Variants in MYCBP2 observed in about 807,000 individuals in gnomAD.
The protein encoded by MYCBP2 is MYC binding protein 2, also known as E3 ubiquitin-protein ligase MYCBP2.
MYCBP2 carries 120 observed loss-of-function variants against 525.3 expected under a neutral mutation model. That is an observed-to-expected ratio of 0.23 (90% CI 0.20 to 0.27). The LOEUF (loss-of-function observed/expected upper bound fraction) is 0.27, where lower values mean the gene tolerates loss of function less well. Ranked by LOEUF, MYCBP2 falls within the 10% of genes least tolerant of loss-of-function variation. The pLI is 1.00. For missense variants in MYCBP2, 4,149 were observed against 5,657.1 expected (o/e 0.73, Z 8.55); for synonymous variants, 1,894 against 1,955.8 (o/e 0.97, Z 0.83).
intron 2 of MYCBP2, among the ~76,000 whole-genome samples, chr13:77,289,064 G>A (rs903847429): frequency 7.2e-5 from 11 of 151,932 alleles, no homozygotes; most frequent in African/African-American, 2.7e-4. Context: ...ATAAAAAGCT[G>A]TTTTAAAATA....
intron 69 of MYCBP2, among the ~76,000 whole-genome samples, 163 bp from the exon 70 acceptor site, chr13:77,068,994 A>C (rs1014902324): frequency 6.6e-6 from 1 of 152,202 alleles, no homozygotes; most frequent in Non-Finnish European, 1.5e-5. Context: ...CTCTTAACTC[A>C]TCTAAGAAAC....
chr13:77,079,915 G>T (rs951349093), intron 65 of MYCBP2, among the ~76,000 whole-genome samples: 8 of 152,194 alleles, frequency 5.3e-5, no homozygotes, highest in African/African-American at 1.9e-4. Context: ...CAGCTTACAT[G>T]TTGGGAATTT....
In MYCBP2 at chr13:77,083,140, C is replaced by T; in HGVS notation, c.10928G>A (p.Gly3643Glu). The change falls in exon 63 of 83, where the codon GGG becomes GAG. Residue 3643 changes from glycine (G) to glutamate (E), a missense_variant. Transcript: ENST00000544440. The stretch of plus-strand genomic sequence containing the variant: ...GTGTGGTAAAGGATGAGCAGCTTCC[C>T]CGGCAATCACTATGTCTGAGAGTGG... ...EHPLSDIVIA[G>E]EAAHPLPHTF... is the part of the protein sequence containing the mutation. 1 of 1,613,436 alleles carries T rather than the reference C, an allele frequency of 6.2e-7. No homozygotes were observed. The highest frequency in any genetic ancestry group is 8.5e-7 in the Non-Finnish European group (1 of 1,179,630).
At position 77,263,933 on chromosome 13, in the gene MYCBP2, C is replaced by A; in HGVS notation, c.1427G>T (p.Arg476Ile). The change falls in exon 9 of 83, where the codon AGA becomes ATA. Residue 476 changes from arginine (R) to isoleucine (I), a missense_variant. Coordinates refer to ENST00000544440, the MANE Select transcript of MYCBP2 (RefSeq NM_015057.5). ...GEYINQIAAS[R>I]DDGFVVRIFA... ...CTTAAGATTCAGGATACTTACATCT[C>A]TTGAAGCAGCTATCTGATTAATATA... The A allele has an allele frequency of 6.2e-7, 1 of 1,611,888 alleles. No homozygotes were observed. The highest frequency in any genetic ancestry group is 8.5e-7 in the Non-Finnish European group (1 of 1,178,664).
At chr13:77,277,183 G>A (rs1406726926) in intron 4 of MYCBP2, among the ~76,000 whole-genome samples, 1 of 152,082 alleles carries the variant, frequency 6.6e-6, no homozygotes, top group Non-Finnish European at 1.5e-5. Context: ...AAGTCTTCGC[G>A]GGTATTTCAA....
chr13:77,306,649 AAAC>A, intron 1 of MYCBP2, among the ~76,000 whole-genome samples: 1 of 152,226 alleles, frequency 6.6e-6, no homozygotes, highest in South Asian at 2.1e-4. Flanking sequence ...ACTCTTAAGT[AAAC>A]ATAGGCTAGG....
chr13:77,157,778 A>C (rs1460387216), intron 45 of MYCBP2, among the ~76,000 whole-genome samples, 159 bp downstream of exon 45: 1 of 152,162 alleles, frequency 6.6e-6, no homozygotes, highest in East Asian at 1.9e-4. Context: ...ACAACCGCCA[A>C]ACAAAAATAT....
intron 78 of MYCBP2, among the ~76,000 whole-genome samples, chr13:77,057,640 T>C (rs200961214): frequency 6.6e-6 from 1 of 152,260 alleles, no homozygotes; most frequent in East Asian, 1.9e-4. Flanking sequence ...AATCTAATTA[T>C]TTCCCCCTGG....
intron 18 of MYCBP2, among the ~76,000 whole-genome samples, chr13:77,229,600 T>C (rs1702058391): frequency 1.3e-5 from 2 of 152,200 alleles, no homozygotes; most frequent in Non-Finnish European, 2.9e-5. Context: ...AGGATTTATA[T>C]GTGCAAAGAC....
intron 21 of MYCBP2, among the ~76,000 whole-genome samples, chr13:77,215,137 C>G (rs1204855006): frequency 6.6e-6 from 1 of 152,062 alleles, no homozygotes; most frequent in Admixed American, 6.5e-5. Flanking sequence ...TTTTGTATAA[C>G]TTAATTTTTA....
intron 77 of MYCBP2, 93 bp downstream of exon 77, chr13:77,059,430 G>C (rs968372491): frequency 1.1e-6 from 1 of 915,464 alleles, no homozygotes; most frequent in Non-Finnish European, 1.8e-6. Flanking sequence ...TAGGAAGCTG[G>C]AGTGACGCTG....
chr13:77,171,315 T>C (rs946514810), intron 38 of MYCBP2, among the ~76,000 whole-genome samples, 177 bp downstream of exon 38: 3 of 152,204 alleles, frequency 2.0e-5, no homozygotes, highest in Non-Finnish European at 4.4e-5. Flanking sequence ...TTCTAAATAA[T>C]TCTGCATTAC....
intron 41 of MYCBP2, among the ~76,000 whole-genome samples, chr13:77,165,659 C>T (rs2058445976): frequency 6.6e-6 from 1 of 152,124 alleles, no homozygotes; most frequent in Non-Finnish European, 1.5e-5. Flanking sequence ...TAAAGTACTT[C>T]AGTTACATGG....
chr13:77,223,584 C>G (rs79332069), intron 20 of MYCBP2, among the ~76,000 whole-genome samples: 4,489 of 152,218 alleles, frequency 0.029, 96 homozygotes, highest in East Asian at 0.052. Flanking sequence ...TTATTTCTCA[C>G]GCAAGAAGCA....
chr13:77,180,211 G>A lies in MYCBP2; in HGVS notation c.5049C>T (p.Leu1683=), dbSNP rs574817467. ...VRNSLRRENE[L]FSSHLVSNTC... is the part of the protein sequence containing the mutation. ...TGTTAGAGACGAGGTGGGAGGAGAA[G>A]AGTTCATTTTCTCTCCTCAGGCTGT... Residue 1683 remains leucine (L), a synonymous_variant, in exon 34 of 83, where the codon CTC becomes CTT. Coordinates refer to ENST00000544440, the MANE Select transcript of MYCBP2 (RefSeq NM_015057.5). 6.2e-7 allele frequency: 1 copy of A among 1,614,028 alleles called. No individual in the cohort carries two copies. Among genetic ancestry groups the A allele is most frequent in the South Asian group, 1.1e-5 (1 of 91,078 alleles).
chr13:77,203,335 C>T (rs1260431455), intron 26 of MYCBP2, among the ~76,000 whole-genome samples: 1 of 152,110 alleles, frequency 6.6e-6, no homozygotes, highest in Non-Finnish European at 1.5e-5. Context: ...ATCCAACTTA[C>T]AAGGGATGGG....
chr13:77,072,085 G>A (rs1365561469), intron 68 of MYCBP2, among the ~76,000 whole-genome samples: 3 of 151,830 alleles, frequency 2.0e-5, no homozygotes, highest in Non-Finnish European at 4.4e-5. Context: ...TCAGGAGATC[G>A]AGACCATCCT....
chr13:77,126,365 G>T lies in MYCBP2; in HGVS notation c.7837C>A (p.Pro2613Thr). 1 of 1,613,794 alleles carries T rather than the reference G, an allele frequency of 6.2e-7. No individual in the cohort carries two copies. The change falls in exon 53 of 83, where the codon CCA becomes ACA. Residue 2613 changes from proline to threonine, a missense_variant. Pro to Thr is a conservative substitution (Grantham distance 38, BLOSUM62 -1). Transcript: ENST00000544440. ...TTTCCCAGAACTAACATTCCAATTG[G>T]GATACCTCTAAGGTTAGGGCAGCTT... ...IRSCPNLRGIPIGMLVLGNKV... is the reference protein window; with the variant it reads ...IRSCPNLRGITIGMLVLGNKV...
chr13:77,128,418 TTTAA>T (rs756717578), intron 52 of MYCBP2, among the ~76,000 whole-genome samples: 54 of 151,924 alleles, frequency 3.6e-4, no homozygotes, highest in Non-Finnish European at 7.4e-4. Context: ...TCCTAGTGCA[TTTAA>T]TTAATTATAA....
Sources: gnomAD v4.1 joint callset for allele counts (sites outside exome capture counted in the v4.1 genomes callset) on GRCh38, gnomAD v4.1.1 for gene constraint, MANE v1.5 for transcripts, NCBI Gene and HGNC (gene_info 2026-07-23, HGNC 2026-07-21) for gene names.